The following ARHGEF10 variants were observed in gnomAD, a reference collection of about 807,000 sequenced individuals.
The protein encoded by ARHGEF10 is Rho guanine nucleotide exchange factor (GEF) 10.
ARHGEF10 carries 140 observed loss-of-function variants against 147.4 expected under a neutral mutation model. That is an observed-to-expected ratio of 0.95 (90% CI 0.83 to 1.09). ARHGEF10 has a LOEUF of 1.09. Ranked by LOEUF, ARHGEF10 falls within the 50% of genes least tolerant of loss-of-function variation. The pLI is 0.00. For missense variants in ARHGEF10, 2,222 were observed against 1,752.7 expected, an observed-to-expected ratio of 1.27 and a Z score of -4.78; for synonymous variants, 902 against 695.8, an observed-to-expected ratio of 1.30 and a Z score of -4.67.
intron 11 of ARHGEF10, among the ~76,000 whole-genome samples, chr8:1,889,978 CACTG>C (rs563984011): frequency 2.1e-4 from 29 of 141,030 alleles, no homozygotes; most frequent in Non-Finnish European, 3.5e-4. Context: ...TGTGAGGAGA[CACTG>C]AGTGATGTGA....
chr8:1,951,812 G>A (rs1815072738), intron 27 of ARHGEF10, among the ~76,000 whole-genome samples: 1 of 152,214 alleles, frequency 6.6e-6, no homozygotes, highest in African/African-American at 2.4e-5. Flanking sequence ...GTGGTGGAAT[G>A]ATGTGACAGT....
chr8:1,853,800 C>T (rs977759050), intron 2 of ARHGEF10, among the ~76,000 whole-genome samples: 47 of 152,342 alleles, frequency 3.1e-4, no homozygotes, highest in African/African-American at 8.4e-4. Context: ...TTCCAGCGCC[C>T]GCCGGCTGTG....
chr8:1,947,369 C>A (rs1010569777), intron 27 of ARHGEF10, among the ~76,000 whole-genome samples: 1 of 152,148 alleles, frequency 6.6e-6, no homozygotes, highest in African/African-American at 2.4e-5. Context: ...TTCAGAGTTC[C>A]GAGAGCAGCC....
At chr8:1,866,623 C>G (rs757878613) in intron 6 of ARHGEF10, 21 bp downstream of exon 6, 2 of 1,601,110 alleles carry the variant, frequency 1.2e-6, no homozygotes, top group South Asian at 1.1e-5. Context: ...CAGCTGCCCA[C>G]AGCCAGAATC....
intron 10 of ARHGEF10, among the ~76,000 whole-genome samples, chr8:1,883,941 G>A (rs1177526086): frequency 6.6e-6 from 1 of 152,150 alleles, no homozygotes; most frequent in Non-Finnish European, 1.5e-5. Context: ...CCCATGCCAG[G>A]CCCCTGAGCC....
intron 23 of ARHGEF10, chr8:1,927,004 G>A: frequency 4.9e-6 from 1 of 204,238 alleles, no homozygotes; most frequent in Non-Finnish European, 9.9e-6. Context: ...GCCCTCCAGG[G>A]CTCCACTGTG....
chr8:1,908,616 G>A (rs926328770), intron 17 of ARHGEF10, among the ~76,000 whole-genome samples: 1 of 152,198 alleles, frequency 6.6e-6, no homozygotes, highest in Admixed American at 6.5e-5. Flanking sequence ...ATTCTGGAGG[G>A]TGGGATTTCC....
intron 9 of ARHGEF10, among the ~76,000 whole-genome samples, chr8:1,880,818 T>C (rs772501015): frequency 6.6e-6 from 1 of 152,198 alleles, no homozygotes; most frequent in Non-Finnish European, 1.5e-5. Context: ...TTCATATGTG[T>C]TGAATGGCAC....
intron 27 of ARHGEF10, 67 bp from the exon 28 acceptor site, chr8:1,952,638 C>T: frequency 6.2e-7 from 1 of 1,601,466 alleles, no homozygotes; most frequent in South Asian, 1.1e-5. Flanking sequence ...TTTCCAGCAC[C>T]CCGTCACCGC....
At position 1,893,565 on chromosome 8, in the gene ARHGEF10, A is replaced by G. The variant is rs201154931; in HGVS notation, c.1183-4A>G. On this transcript the variant is annotated splice_polypyrimidine_tract_variant and splice_region_variant and intron_variant, in intron 11 of 28. Coordinates refer to ENST00000349830, the MANE Select transcript of ARHGEF10 (RefSeq NM_014629.4). ...CTATCATTGTACTTCCAAATTTCCA[A>G]CAGGTTGTAAGAAGATATATACTGG... is the stretch of plus-strand genomic sequence containing the variant. 4 of 1,610,122 alleles carry G rather than the reference A, an allele frequency of 2.5e-6. No individual in the cohort carries two copies. The highest frequency in any genetic ancestry group is 2.2e-5 in the East Asian group (1 of 44,738).
intron 28 of ARHGEF10, among the ~76,000 whole-genome samples, chr8:1,953,976 C>A (rs980470189): frequency 6.6e-6 from 1 of 152,180 alleles, no homozygotes; most frequent in African/African-American, 2.4e-5. Flanking sequence ...GGTCCACCCA[C>A]AAGGATTAAG....
Position 1,955,216 on chromosome 8 carries a change from T to A in ARHGEF10, c.3521-1533T>A, listed in dbSNP as rs7018239. The stretch of plus-strand genomic sequence containing the variant: ...TTTCTCTGGATGGGTAGCCAGGTGC[T>A]TCCTGAAAGGAGGTGCACTCTCACT... On this transcript the variant is annotated intron_variant, in intron 28 of 28. Transcript: ENST00000349830. Among the ~76,000 whole-genome samples the A allele has an allele frequency of 4.7e-4, 66 of 140,492 alleles. 1 individual carries two copies. The highest frequency in any genetic ancestry group is 4.4e-4 in the South Asian group (2 of 4,558). The allele number at this position is 140,492 out of a possible 152,430, so 92.2% of individuals were successfully genotyped here.
chr8:1,935,900 C>T (rs560790985), intron 26 of ARHGEF10, among the ~76,000 whole-genome samples: 83 of 152,338 alleles, frequency 5.4e-4, no homozygotes, highest in African/African-American at 2.0e-3. Context: ...GGGAAGCAGG[C>T]TGCGGAACAC....
intron 16 of ARHGEF10, among the ~76,000 whole-genome samples, chr8:1,904,730 G>A (rs912593641): frequency 2.6e-5 from 4 of 152,152 alleles, no homozygotes; most frequent in Admixed American, 1.3e-4. Context: ...CGGGTGTCTC[G>A]CTGGTTGCTC....
At chr8:1,886,025 C>G (rs1008249148) in intron 11 of ARHGEF10, among the ~76,000 whole-genome samples, 1 of 152,262 alleles carries the variant, frequency 6.6e-6, no homozygotes, top group East Asian at 1.9e-4. Context: ...GTCAGTCACA[C>G]AGTTTTTACT....
At chr8:1,927,031 T>G (rs1812745078) in intron 23 of ARHGEF10, 1 of 189,064 alleles carries the variant, frequency 5.3e-6, no homozygotes, top group Admixed American at 5.4e-5. Context: ...CAAACTCTCA[T>G]CCTTTCCTCC....
chr8:1,956,203 G>A (rs1365353602), intron 28 of ARHGEF10, among the ~76,000 whole-genome samples: 1 of 152,188 alleles, frequency 6.6e-6, no homozygotes, highest in African/African-American at 2.4e-5. Context: ...TGATACGATC[G>A]TGACTTTAAA....
intron 1 of ARHGEF10, among the ~76,000 whole-genome samples, chr8:1,828,103 T>G (rs1233230252): frequency 6.6e-6 from 1 of 152,248 alleles, no homozygotes; most frequent in Non-Finnish European, 1.5e-5. Context: ...CTCAACACTC[T>G]GCCTCCACTG....
Position 1,894,474 on chromosome 8 carries a change from G to T in ARHGEF10, c.1342G>T (p.Glu448Ter). The part of the protein sequence containing the change: ...KLKTVFYRVK[E>*]ILQCHSLFQI... ...GAAGACGGTGTTCTACCGAGTCAAA[G>T]AGATCCTGCAGTGCCACTCGCTATT... The change falls in exon 13 of 29, where the codon GAG becomes TAG. Residue 448 changes from glutamate (E) to a stop codon, truncating the protein, a stop_gained. Coordinates refer to ENST00000349830, the MANE Select transcript of ARHGEF10 (RefSeq NM_014629.4). LOFTEE classifies it high-confidence loss of function. 1 of 1,614,254 alleles carries T rather than the reference G, an allele frequency of 6.2e-7. No individual in the cohort carries two copies. The highest frequency in any genetic ancestry group is 8.5e-7 in the Non-Finnish European group (1 of 1,180,038).
Sources: allele counts gnomAD v4.1 joint callset (sites outside exome capture counted in the v4.1 genomes callset), GRCh38; gene constraint gnomAD v4.1.1; transcripts MANE v1.5; gene names NCBI Gene and HGNC (gene_info 2026-07-23, HGNC 2026-07-21).